The following BDP1 variants were observed in gnomAD, a reference collection of about 807,000 sequenced individuals.
BDP1 encodes transcription factor TFIIIB component B'' homolog.
BDP1 carries 169 observed loss-of-function variants against 266.6 expected under a neutral mutation model. That is an observed-to-expected ratio of 0.63 (90% CI 0.56 to 0.72). The LOEUF is 0.72. BDP1 is among the 30% of genes least tolerant of loss of function. The pLI, the probability that BDP1 is intolerant of heterozygous loss-of-function variation, is 0.00. For synonymous variants in BDP1, 1,090 were observed against 1,022.4 expected (o/e 1.07, Z -1.26); for missense variants, 3,015 against 3,053.8 (o/e 0.99, Z 0.30).
chr5:71,481,469 A>T (rs1762967483), intron 7 of BDP1, among the ~76,000 whole-genome samples: 1 of 149,498 alleles, frequency 6.7e-6, no homozygotes, highest in African/African-American at 2.5e-5. Flanking sequence ...AGGCAGGAGG[A>T]TTGCTTGAGC....
intron 8 of BDP1, among the ~76,000 whole-genome samples, chr5:71,485,846 T>A (rs1172048681): frequency 6.6e-6 from 1 of 152,210 alleles, no homozygotes; most frequent in Non-Finnish European, 1.5e-5. Context: ...CAAGGACTTC[T>A]CAGTCCATAA....
rs148948406 is a variant in BDP1, at chr5:71,539,377, G to A, written c.5930-180G>A. Among the ~76,000 whole-genome samples, 270 of 152,256 alleles carry A rather than the reference G, an allele frequency of 1.8e-3. 3 individuals are homozygous for A. The highest frequency in any genetic ancestry group is 5.8e-3 in the African/African-American group (242 of 41,564). ...TGGTCAGTGAGTCAAAACCAACAGT[G>A]ATGATTTATTTATTTGTAGCATATA... On this transcript the variant is annotated intron_variant, in intron 27 of 38. Transcript: ENST00000358731.
chr5:71,497,195 T>G, intron 12 of BDP1, 75 bp from the exon 13 acceptor site: 1 of 1,359,104 alleles, frequency 7.4e-7, no homozygotes, highest in Non-Finnish European at 1.0e-6. Context: ...TTCCTAATTC[T>G]CAGTAGGTTA....
intron 22 of BDP1, among the ~76,000 whole-genome samples, chr5:71,518,475 G>A (rs912651006): frequency 6.6e-6 from 1 of 152,080 alleles, no homozygotes; most frequent in Non-Finnish European, 1.5e-5. Flanking sequence ...TTGAGACAAG[G>A]TGTCTCACTG....
rs753985154 is a variant in BDP1, at chr5:71,522,896, A to G, written c.5334A>G (p.Gly1778=). 1.2e-6 allele frequency: 2 copies of G among 1,609,270 alleles called. No individual in the cohort carries two copies. The highest frequency in any genetic ancestry group is 1.7e-6 in the Non-Finnish European group (2 of 1,178,500). The change falls in exon 24 of 39, where the codon GGA becomes GGG. Residue 1778 remains glycine (G), a synonymous_variant. Transcript: ENST00000358731. ...PSRRVGEETV[G]DNSPSSVVEE... ...GAAGGGTTGGAGAGGAAACTGTAGG[A>G]GATAATTCACCATCTTCAGTTGTTG... is the stretch of plus-strand genomic sequence containing the variant.
At chr5:71,512,978 C>G (rs1765012807) in intron 18 of BDP1, among the ~76,000 whole-genome samples, 1 of 147,378 alleles carries the variant, frequency 6.8e-6, no homozygotes, top group South Asian at 2.1e-4. Context: ...GGGAAGATCA[C>G]TTGAGCCCGC....
intron 9 of BDP1, among the ~76,000 whole-genome samples, chr5:71,489,009 G>T (rs1198656181): frequency 6.6e-6 from 1 of 152,184 alleles, no homozygotes; most frequent in Non-Finnish European, 1.5e-5. Context: ...TGCCCAGCCT[G>T]TATTAAATGC....
intron 7 of BDP1, among the ~76,000 whole-genome samples, chr5:71,472,876 TTC>T (rs761994760): frequency 0.25 from 27,831 of 112,720 alleles, 5,283 homozygotes; most frequent in South Asian, 0.35. Flanking sequence ...AATTTGTATT[TTC>T]TCTCTCTCTC....
At chr5:71,466,974 C>T (rs1761945492) in intron 5 of BDP1, among the ~76,000 whole-genome samples, 1 of 152,096 alleles carries the variant, frequency 6.6e-6, no homozygotes. Flanking sequence ...GCTTTCTCTG[C>T]AGGAATGTAA....
intron 4 of BDP1, 103 bp from the exon 5 acceptor site, chr5:71,465,993 A>G: frequency 8.1e-7 from 1 of 1,231,510 alleles, no homozygotes; most frequent in Non-Finnish European, 1.1e-6. Flanking sequence ...GGAAAGTTGG[A>G]AATAGCTAGA....
intron 18 of BDP1, among the ~76,000 whole-genome samples, chr5:71,512,742 C>T (rs1047410842): frequency 8.6e-5 from 13 of 152,046 alleles, no homozygotes; most frequent in Admixed American, 1.3e-4. Context: ...CCAGATAGTT[C>T]GATTTGTTTT....
At chr5:71,545,753 G>T (rs1181648188) in intron 32 of BDP1, among the ~76,000 whole-genome samples, 3 of 151,984 alleles carry the variant, frequency 2.0e-5, no homozygotes, top group Non-Finnish European at 4.4e-5. Context: ...TGAAGAACAT[G>T]TATACATTAT....
At chr5:71,458,935 G>C in intron 2 of BDP1, 80 bp downstream of exon 2, 2 of 1,376,326 alleles carry the variant, frequency 1.5e-6, no homozygotes, top group Non-Finnish European at 9.8e-7. Flanking sequence ...AGCATTTGTA[G>C]CATTTTGATG....
At chr5:71,515,620 T>C (rs974958406) in intron 20 of BDP1, among the ~76,000 whole-genome samples, 1 of 152,206 alleles carries the variant, frequency 6.6e-6, no homozygotes, top group Non-Finnish European at 1.5e-5. Context: ...TCATTAACTT[T>C]TAAAAATTAG....
At chr5:71,483,780 A>AT in intron 7 of BDP1, 62 bp from the exon 8 acceptor site, 6 of 1,251,664 alleles carry the variant, frequency 4.8e-6, no homozygotes, top group Non-Finnish European at 7.0e-6. Context: ...TGCTTACTGC[A>AT]TTTAAAAAAA....
At chr5:71,466,267 A>C in intron 5 of BDP1, 46 bp downstream of exon 5, 6 of 1,608,148 alleles carry the variant, frequency 3.7e-6, no homozygotes, top group Non-Finnish European at 5.1e-6. Context: ...CATGAGAACA[A>C]ACATGCTTTG....
chr5:71,544,776 A>T (rs1334793539), intron 31 of BDP1, among the ~76,000 whole-genome samples: 1 of 146,444 alleles, frequency 6.8e-6, no homozygotes, highest in Non-Finnish European at 1.5e-5. Context: ...GCTACTTGGG[A>T]GGCCGAGGCA....
rs112792963 is a variant in BDP1 at position 71,519,668 on chromosome 5, C to A, written c.4991+2216C>A. Among the ~76,000 whole-genome samples the A allele has an allele frequency of 5.1e-3, 773 of 152,248 alleles. 8 individuals carry two copies. Among genetic ancestry groups the A allele is most frequent in the African/African-American group, 0.017 (723 of 41,544 alleles). ...TTCTTTTTTATGGTTAAATAATATT[C>A]CATTGTGTATATATACCACACTTTC... On this transcript the variant is annotated intron_variant, in intron 22 of 38. Coordinates refer to ENST00000358731, the MANE Select transcript of BDP1 (RefSeq NM_018429.3).
intron 7 of BDP1, among the ~76,000 whole-genome samples, chr5:71,472,416 G>A (rs1216290390): frequency 1.3e-5 from 2 of 152,196 alleles, no homozygotes; most frequent in Admixed American, 6.5e-5. Context: ...AGCTGAGATT[G>A]TACCACTGCA....
Sources: allele counts gnomAD v4.1 joint callset (sites outside exome capture counted in the v4.1 genomes callset), GRCh38; gene constraint gnomAD v4.1.1; transcripts MANE v1.5; gene names NCBI Gene and HGNC (gene_info 2026-07-23, HGNC 2026-07-21).